Variants in AP3D1 observed in about 807,000 individuals in gnomAD.
AP3D1 encodes adaptor related protein complex 3 subunit delta 1.
AP3D1 carries 51 observed loss-of-function variants against 147.6 expected under a neutral mutation model. The ratio of observed to expected loss-of-function variants is 0.35; its 90% CI spans 0.28 to 0.44. AP3D1 has a LOEUF of 0.44. AP3D1 is among the 20% of genes least tolerant of loss of function. The pLI is 1.00. For missense variants in AP3D1, 1,421 were observed against 1,624.2 expected (o/e 0.87, Z 2.15); for synonymous variants, 760 against 663.0 (o/e 1.15, Z -2.25).
chr19:2,111,607 G>A (rs1013988288), intron 25 of AP3D1, 72 bp downstream of exon 25: 5 of 1,498,178 alleles, frequency 3.3e-6, no homozygotes, highest in African/African-American at 2.8e-5. Flanking sequence ...CATGGAGGCT[G>A]CAGGAGTGGG....
At chr19:2,133,799 G>C (rs915489051) in intron 4 of AP3D1, among the ~76,000 whole-genome samples, 1 of 149,540 alleles carries the variant, frequency 6.7e-6, no homozygotes, top group Non-Finnish European at 1.5e-5. Context: ...ACAGTGCGGG[G>C]CCAACTGGTT....
At chr19:2,126,538 C>T (rs1438515332) in intron 9 of AP3D1, among the ~76,000 whole-genome samples, 1 of 151,560 alleles carries the variant, frequency 6.6e-6, no homozygotes, top group African/African-American at 2.4e-5. Context: ...CCTATAGTCC[C>T]TGCTACTCGG....
chr19:2,130,705 G>A (rs2018915256), intron 5 of AP3D1, among the ~76,000 whole-genome samples, 168 bp from the exon 6 acceptor site: 1 of 152,212 alleles, frequency 6.6e-6, no homozygotes, highest in Admixed American at 6.5e-5. Flanking sequence ...ATGGAAGCCA[G>A]CCTCACTGTG....
chr19:2,124,568 T>C (rs1180469377), intron 9 of AP3D1, among the ~76,000 whole-genome samples: 2 of 152,118 alleles, frequency 1.3e-5, no homozygotes, highest in Non-Finnish European at 2.9e-5. Context: ...CAGGAGACCG[T>C]GTGTGCGTGT....
At chr19:2,146,926 C>T (rs905944589) in intron 1 of AP3D1, among the ~76,000 whole-genome samples, 3 of 152,236 alleles carry the variant, frequency 2.0e-5, no homozygotes, top group Non-Finnish European at 4.4e-5. Context: ...GGCGGGGATG[C>T]TGCTCAGCAC....
At position 2,115,173 on chromosome 19, in the gene AP3D1, G is replaced by A. The variant is rs753147915; in HGVS notation, c.2349+46C>T. ...GTGCATGGCCCCAGGACACACACATGCGGAAAGATAGACATCCTAGGACCG... is the reference window on the plus strand; with the variant it reads ...GTGCATGGCCCCAGGACACACACATACGGAAAGATAGACATCCTAGGACCG... On this transcript the variant is annotated intron_variant, in intron 20 of 31. Transcript: ENST00000643116. 3.2e-6 allele frequency: 5 copies of A among 1,574,018 alleles called. No homozygotes were observed. In the Admixed American group the frequency reaches 5.1e-5, roughly 16 times the overall value.
chr19:2,147,566 CAAG>C lies in AP3D1; in HGVS notation c.96+3670_96+3672del, dbSNP rs549839613. Among the ~76,000 whole-genome samples the C allele has an allele frequency of 1.1e-3, 149 of 138,420 alleles. 1 individual carries two copies. The highest frequency in any genetic ancestry group is 1.8e-3 in the Non-Finnish European group (117 of 63,674). The allele number at this position is 138,420 out of a possible 152,430, so 90.8% of individuals were successfully genotyped here. Reference sequence around the variant, plus strand: ...GCGAGACTCTGACTTGGAAAAAAAACAAGAAGAAGAAAAAAAAAACAAAAAAGA... The same window carrying C: ...GCGAGACTCTGACTTGGAAAAAAAACAAGAAGAAAAAAAAAACAAAAAAGA... On this transcript the variant is annotated intron_variant, in intron 1 of 31. Transcript: ENST00000643116.
At chr19:2,137,222 C>A in intron 3 of AP3D1, 131 bp from the exon 4 acceptor site, 1 of 757,984 alleles carries the variant, frequency 1.3e-6, no homozygotes, top group Admixed American at 2.3e-5. Context: ...GACGCTGGGG[C>A]CACCAGCAAG....
chr19:2,131,512 G>GTGCTTCCCA, intron 5 of AP3D1, among the ~76,000 whole-genome samples: 20 of 122,552 alleles, frequency 1.6e-4, no homozygotes, highest in African/African-American at 5.9e-4. Context: ...CGAGGGGACA[G>GTGCTTCCCA]GGCCCATCGG....
intron 9 of AP3D1, among the ~76,000 whole-genome samples, chr19:2,126,652 C>CAAAAAAAA (rs58063456): frequency 1.0e-4 from 6 of 59,628 alleles, no homozygotes; most frequent in East Asian, 8.6e-4. Flanking sequence ...GACTCTGCCT[C>CAAAAAAAA]AAAAAAAAAA....
upstream of AP3D1, among the ~76,000 whole-genome samples, chr19:2,153,482 C>T (rs558133704): frequency 6.6e-6 from 1 of 152,086 alleles, no homozygotes; most frequent in Non-Finnish European, 1.5e-5. Context: ...TTGAGACCAG[C>T]GTGGCCAACA....
At chr19:2,140,488 T>G (rs1245913792) in intron 1 of AP3D1, among the ~76,000 whole-genome samples, 2 of 151,728 alleles carry the variant, frequency 1.3e-5, no homozygotes, top group Non-Finnish European at 2.9e-5. Context: ...GACTTTTTTT[T>G]TTTTTGAGAC....
chr19:2,112,035 G>A lies in AP3D1; in HGVS notation c.2788-207C>T, dbSNP rs937126062. ...GAGGCTGGGGCCGTCTCTGGTTGGC[G>A]GCAAGCGCCAAAGCAGCCCGGGGAA... On this transcript the variant is annotated intron_variant, in intron 24 of 31. Coordinates refer to ENST00000643116, the MANE Select transcript of AP3D1 (RefSeq NM_001261826.3). 14 of 758,064 alleles carry A rather than the reference G, an allele frequency of 1.8e-5. 1 individual carries two copies. Among genetic ancestry groups the A allele is most frequent in the African/African-American group, 7.0e-5 (4 of 56,802 alleles). 47.0% of individuals were successfully genotyped at this position (758,064 alleles called of 1,614,324 possible).
At chr19:2,125,013 G>C (rs1359938319) in intron 9 of AP3D1, among the ~76,000 whole-genome samples, 3 of 152,182 alleles carry the variant, frequency 2.0e-5, no homozygotes, top group South Asian at 4.1e-4. Flanking sequence ...TGAGGGATAA[G>C]AGACTGCACA....
intron 1 of AP3D1, among the ~76,000 whole-genome samples, chr19:2,143,375 G>T (rs1296776706): frequency 1.3e-5 from 2 of 151,538 alleles, no homozygotes; most frequent in African/African-American, 2.4e-5. Flanking sequence ...CAAGTAGCTG[G>T]GACTACAGGC....
chr19:2,146,888 G>C (rs560591178), intron 1 of AP3D1, among the ~76,000 whole-genome samples: 1 of 152,210 alleles, frequency 6.6e-6, no homozygotes, highest in Non-Finnish European at 1.5e-5. Flanking sequence ...GGCATGACCA[G>C]AGGAGCCCCT....
At chr19:2,153,251 G>T (rs957227831), upstream of AP3D1, among the ~76,000 whole-genome samples, 2 of 151,748 alleles carry the variant, frequency 1.3e-5, no homozygotes, top group African/African-American at 4.8e-5. Flanking sequence ...GAGGGCACCT[G>T]TAATTCCAGC....
intron 31 of AP3D1, among the ~76,000 whole-genome samples, chr19:2,104,198 C>T (rs564628775): frequency 6.7e-5 from 10 of 149,416 alleles, no homozygotes; most frequent in South Asian, 2.2e-4. Flanking sequence ...ACCGCAACAC[C>T]GAGACACCAA....
chr19:2,113,438 G>A lies in AP3D1; in HGVS notation c.2602-25C>T, dbSNP rs761380725. ...CCTGAAACCACAAGACAGGCTGTCA[G>A]CAAACGCAGTGCAATGGTCCTGGGA... On this transcript the variant is annotated intron_variant, in intron 22 of 31. Transcript: ENST00000643116. The A allele has an allele frequency of 2.2e-5, 31 of 1,414,000 alleles. No individual in the cohort carries two copies. The Admixed American group carries it at 2.2e-4, about 10-fold the overall frequency. 87.6% of individuals were successfully genotyped at this position (1,414,000 alleles called of 1,614,324 possible).
Sources: allele counts gnomAD v4.1 joint callset (sites outside exome capture counted in the v4.1 genomes callset), GRCh38; gene constraint gnomAD v4.1.1; transcripts MANE v1.5; gene names NCBI Gene and HGNC (gene_info 2026-07-23, HGNC 2026-07-21).